Variants in IGSF10 observed in about 807,000 individuals in gnomAD.
IGSF10 encodes immunoglobulin superfamily member 10, also known as calvaria mechanical force protein 608.
IGSF10 carries 126 observed loss-of-function variants against 128.2 expected under a neutral mutation model. The observed-to-expected ratio is 0.98, with a 90% CI of 0.85 to 1.14. The LOEUF (loss-of-function observed/expected upper bound fraction) is 1.14, where lower values mean the gene tolerates loss of function less well. Ranked by LOEUF, IGSF10 falls within the 50% of genes most tolerant of loss-of-function variation. IGSF10 has a pLI of 0.00. For synonymous variants in IGSF10, 1,185 were observed against 1,146.2 expected (o/e 1.03, Z -0.68); for missense variants, 3,295 against 3,149.8 (o/e 1.05, Z -1.10).
the IGSF10 span, among the ~76,000 whole-genome samples, chr3:151,599,318 A>T: frequency 6.6e-6 from 1 of 152,170 alleles, no homozygotes; most frequent in Non-Finnish European, 1.5e-5. Flanking sequence ...CCAGCACCAC[A>T]CTAGGAGGAA....
chr3:151,515,246 A>G, the IGSF10 span, among the ~76,000 whole-genome samples: 1 of 152,158 alleles, frequency 6.6e-6, no homozygotes, highest in Non-Finnish European at 1.5e-5. Flanking sequence ...AGACTGGATT[A>G]AGAAAATGTG....
chr3:151,562,352 A>G, the IGSF10 span, among the ~76,000 whole-genome samples: 1 of 152,146 alleles, frequency 6.6e-6, no homozygotes, highest in African/African-American at 2.4e-5. Context: ...AACCATAAAA[A>G]TGGGAAACCA....
upstream of IGSF10, among the ~76,000 whole-genome samples, chr3:151,463,523 G>GTTTTTTTTTTTTTGTTTTTTT (rs1722144272): frequency 3.2e-5 from 1 of 31,272 alleles, no homozygotes; most frequent in Non-Finnish European, 6.5e-5. Context: ...ACATTTTCTG[G>GTTTTTTTTTTTTTGTTTTTTT]TTTTTTTTTT....
chr3:151,545,945 C>T, the IGSF10 span, among the ~76,000 whole-genome samples: 2 of 151,520 alleles, frequency 1.3e-5, no homozygotes, highest in African/African-American at 2.4e-5. Context: ...AAATGTTGCT[C>T]GCAGCAGATG....
chr3:151,618,804 A>T, the IGSF10 span, among the ~76,000 whole-genome samples: 2 of 150,312 alleles, frequency 1.3e-5, no homozygotes, highest in Non-Finnish European at 3.0e-5. Flanking sequence ...TAAATAAAAA[A>T]TAAAAATAAA....
At position 151,437,576 on chromosome 3, in the gene IGSF10, C is replaced by G. The variant is rs991608992; in HGVS notation, c.6985G>C (p.Glu2329Gln). ...GGTCTTCTCAGCATTTCCAGTACTT[C>G]TAACTGTACTACCAACACGCTCTCT... ...GGESVLVVQLEVLEMLRRPTF... is the reference protein window; with the variant it reads ...GGESVLVVQLQVLEMLRRPTF... Residue 2329 changes from glutamate to glutamine, a missense_variant, in exon 8 of 8, where the codon GAA (glutamate) becomes CAA (glutamine). Glu to Gln is a conservative substitution (Grantham distance 29, BLOSUM62 2). Transcript: ENST00000282466. 2 of 1,614,210 alleles carry G rather than the reference C, an allele frequency of 1.2e-6. No homozygotes were observed. Among genetic ancestry groups the G allele is most frequent in the African/African-American group, 2.7e-5 (2 of 75,046 alleles).
chr3:151,567,234 C>T, the IGSF10 span, among the ~76,000 whole-genome samples: 7 of 152,268 alleles, frequency 4.6e-5, no homozygotes, highest in South Asian at 1.5e-3. Context: ...AGCTCCTATT[C>T]CTGGGAGATT....
At chr3:151,501,415 A>AAAT in the IGSF10 span, among the ~76,000 whole-genome samples, 4 of 150,722 alleles carry the variant, frequency 2.7e-5, no homozygotes, top group Non-Finnish European at 5.9e-5. Context: ...GAAAAAGGAC[A>AAAT]ATATATTGAA....
chr3:151,526,388 T>C, the IGSF10 span, among the ~76,000 whole-genome samples: 1 of 141,130 alleles, frequency 7.1e-6, no homozygotes, highest in Non-Finnish European at 1.6e-5. Context: ...TATTTCAGCG[T>C]TAATGTCATA....
At chr3:151,505,339 G>A in the IGSF10 span, among the ~76,000 whole-genome samples, 11 of 152,088 alleles carry the variant, frequency 7.2e-5, no homozygotes, top group Non-Finnish European at 1.2e-4. Context: ...ATCAGATCTC[G>A]TGAGGACTTA....
chr3:151,607,932 A>G, the IGSF10 span, among the ~76,000 whole-genome samples: 3 of 150,546 alleles, frequency 2.0e-5, no homozygotes, highest in Admixed American at 6.6e-5. Flanking sequence ...AAAAAAAAAA[A>G]AAAAAGAAAT....
the IGSF10 span, among the ~76,000 whole-genome samples, chr3:151,546,042 CA>C: frequency 1.7e-3 from 222 of 129,830 alleles, no homozygotes; most frequent in Admixed American, 2.6e-3. Flanking sequence ...TATGTGGCCA[CA>C]AAAAAAAAAA....
At chr3:151,489,366 C>A in the IGSF10 span, among the ~76,000 whole-genome samples, 6 of 152,194 alleles carry the variant, frequency 3.9e-5, no homozygotes, top group Non-Finnish European at 2.9e-5. Flanking sequence ...CGCTTTTACA[C>A]TGTTTGTAGG....
At chr3:151,472,023 C>T in the IGSF10 span, among the ~76,000 whole-genome samples, 1 of 152,152 alleles carries the variant, frequency 6.6e-6, no homozygotes, top group African/African-American at 2.4e-5. Flanking sequence ...GTCTTTGAAG[C>T]TTCCATTGTT....
intron 5 of IGSF10, 78 bp from the exon 6 acceptor site, chr3:151,449,343 T>G: frequency 7.4e-7 from 1 of 1,356,278 alleles, no homozygotes. Context: ...AAATAGCTTT[T>G]GCTAGAAGCT....
the IGSF10 span, among the ~76,000 whole-genome samples, chr3:151,573,282 G>A: frequency 0.59 from 90,227 of 151,936 alleles, 27,330 homozygotes; most frequent in South Asian, 0.65. Context: ...CTGGATATCC[G>A]TGTTAACCTT....
the IGSF10 span, among the ~76,000 whole-genome samples, chr3:151,544,899 T>C: frequency 6.6e-6 from 1 of 152,156 alleles, no homozygotes; most frequent in Non-Finnish European, 1.5e-5. Context: ...TTAGTTTAGC[T>C]ATTGGGTCTT....
the IGSF10 span, among the ~76,000 whole-genome samples, chr3:151,594,060 G>A: frequency 2.2e-3 from 334 of 152,246 alleles, 1 homozygote; most frequent in African/African-American, 7.8e-3. Context: ...TTTGCCTCTG[G>A]TCTGCTCTGG....
the IGSF10 span, chr3:151,499,844 G>C: frequency 6.6e-6 from 1 of 152,112 alleles, no homozygotes; most frequent in Non-Finnish European, 1.5e-5. Context: ...CTAAGGACTT[G>C]ATGGGTTTGC....
Sources: allele counts gnomAD v4.1 joint callset (sites outside exome capture counted in the v4.1 genomes callset), GRCh38; gene constraint gnomAD v4.1.1; transcripts MANE v1.5; gene names NCBI Gene and HGNC (gene_info 2026-07-23, HGNC 2026-07-21).